The following TBC1D32 variants were observed in gnomAD, a reference collection of about 807,000 sequenced individuals.
TBC1D32 encodes the protein TBC1 domain family member 32.
TBC1D32 carries 151 observed loss-of-function variants against 170.3 expected under a neutral mutation model. The observed-to-expected ratio is 0.89, with a 90% CI of 0.78 to 1.01. The LOEUF (loss-of-function observed/expected upper bound fraction) is 1.01. TBC1D32 is among the 50% of genes least tolerant of loss of function. The pLI, the probability that TBC1D32 is intolerant of heterozygous loss-of-function variation, is 0.00. For synonymous variants in TBC1D32, 498 were observed against 488.0 expected (o/e 1.02, Z -0.27); for missense variants, 1,464 against 1,457.1 (o/e 1.00, Z -0.08).
At chr6:121,330,676 C>T (rs1176768744) in intron 1 of TBC1D32, among the ~76,000 whole-genome samples, 1 of 152,178 alleles carries the variant, frequency 6.6e-6, no homozygotes, top group African/African-American at 2.4e-5. Flanking sequence ...CAGGGCCCAG[C>T]CTCTACCACT....
At position 121,303,487 on chromosome 6, in the gene TBC1D32, T is replaced by C. The variant is rs553729775; in HGVS notation, c.1080+130A>G. Reference sequence around the variant, plus strand: ...ATACCACCAACCTCGTAAAGTTTTATAAGAAATAAATGAGCTAACACATGT... The same window carrying C: ...ATACCACCAACCTCGTAAAGTTTTACAAGAAATAAATGAGCTAACACATGT... On this transcript the variant is annotated intron_variant, in intron 9 of 31. Coordinates refer to ENST00000398212, the MANE Select transcript of TBC1D32 (RefSeq NM_152730.6). 25 of 768,368 alleles carry C rather than the reference T, an allele frequency of 3.3e-5. No homozygotes were observed. In the African/African-American group the frequency reaches 3.8e-4, roughly 12 times the overall value. The allele number at this position is 768,368 out of a possible 1,614,324, so 47.6% of individuals were successfully genotyped here.
intron 21 of TBC1D32, among the ~76,000 whole-genome samples, chr6:121,208,466 G>A (rs1332064877): frequency 1.3e-5 from 2 of 151,818 alleles, no homozygotes; most frequent in African/African-American, 4.8e-5. Flanking sequence ...CAGCATGGGG[G>A]AAATCACCCC....
At chr6:121,310,724 T>C (rs1749263736) in intron 4 of TBC1D32, 55 bp downstream of exon 4, 2 of 1,133,138 alleles carry the variant, frequency 1.8e-6, no homozygotes, top group African/African-American at 3.1e-5. Flanking sequence ...TGTAATCTCA[T>C]ATATTGTAAA....
At chr6:121,214,182 C>T (rs923632970) in intron 21 of TBC1D32, among the ~76,000 whole-genome samples, 47 of 152,064 alleles carry the variant, frequency 3.1e-4, no homozygotes, top group African/African-American at 1.1e-3. Context: ...CTATAAAAAC[C>T]CTGAAAGACA....
intron 18 of TBC1D32, among the ~76,000 whole-genome samples, 180 bp from the exon 19 acceptor site, chr6:121,241,732 T>C (rs1005645686): frequency 3.3e-5 from 5 of 152,160 alleles, no homozygotes; most frequent in Admixed American, 6.6e-5. Flanking sequence ...AAAAAGCTGA[T>C]TACAACTCAG....
chr6:121,238,233 C>T (rs1412004248), intron 20 of TBC1D32, among the ~76,000 whole-genome samples: 3 of 152,058 alleles, frequency 2.0e-5, no homozygotes, highest in African/African-American at 7.2e-5. Context: ...ATCAGTGGAG[C>T]ACAAATTTTC....
At chr6:121,302,388 A>G (rs887048977) in intron 9 of TBC1D32, among the ~76,000 whole-genome samples, 1 of 152,166 alleles carries the variant, frequency 6.6e-6, no homozygotes, top group African/African-American at 2.4e-5. Flanking sequence ...TTATAGGAGG[A>G]TGTAATGAAT....
At chr6:121,215,658 CA>C (rs35230917) in intron 21 of TBC1D32, among the ~76,000 whole-genome samples, 2 of 149,736 alleles carry the variant, frequency 1.3e-5, no homozygotes, top group African/African-American at 4.9e-5. Context: ...AAGAAATTTG[CA>C]AAAAAAAAAT....
intron 21 of TBC1D32, among the ~76,000 whole-genome samples, chr6:121,220,640 C>CTTTTTTTTT (rs923251281): frequency 7.1e-5 from 9 of 126,176 alleles, no homozygotes; most frequent in African/African-American, 2.4e-4. Flanking sequence ...TTTTCTTTTT[C>CTTTTTTTTT]TTTTTTTTTT....
At chr6:121,158,611 G>A (rs1330362524) in intron 24 of TBC1D32, among the ~76,000 whole-genome samples, 2 of 152,136 alleles carry the variant, frequency 1.3e-5, no homozygotes, top group African/African-American at 2.4e-5. Context: ...GAGTGCTGGT[G>A]TTCCTTTAAC....
chr6:121,257,197 C>T (rs6933095), intron 15 of TBC1D32, among the ~76,000 whole-genome samples: 146,569 of 152,222 alleles, frequency 0.96, 70,809 homozygotes, highest in East Asian at 1. Context: ...AAGTGATCAT[C>T]AGATCTAGAG....
chr6:121,242,060 A>G, intron 18 of TBC1D32, 141 bp downstream of exon 18: 1 of 818,532 alleles, frequency 1.2e-6, no homozygotes, highest in South Asian at 2.0e-5. Flanking sequence ...CTAAAAAAAA[A>G]TCAAGTTGAC....
chr6:121,291,828 T>C (rs1368683618), intron 12 of TBC1D32, among the ~76,000 whole-genome samples: 1 of 151,402 alleles, frequency 6.6e-6, no homozygotes, highest in African/African-American at 2.4e-5. Context: ...TCTGGATCCC[T>C]AAAGGCTGAA....
chr6:121,094,053 C>G (rs142552870), intron 30 of TBC1D32, among the ~76,000 whole-genome samples: 2 of 151,996 alleles, frequency 1.3e-5, no homozygotes, highest in African/African-American at 4.8e-5. Flanking sequence ...ATTATATTGG[C>G]TTTACTATAT....
At chr6:121,296,016 T>C (rs1054725137) in intron 10 of TBC1D32, among the ~76,000 whole-genome samples, 14 of 152,116 alleles carry the variant, frequency 9.2e-5, no homozygotes, top group African/African-American at 2.9e-4. Context: ...GACCCTGGTA[T>C]GTACCAGGCA....
At position 121,126,450 on chromosome 6, in the gene TBC1D32, A is replaced by G; in HGVS notation, c.2911T>C (p.Leu971=). 6.2e-7 allele frequency: 1 copy of G among 1,611,464 alleles called. No individual in the cohort carries two copies. The highest frequency in any genetic ancestry group is 1.1e-5 in the South Asian group (1 of 90,914). Residue 971 remains leucine, a synonymous_variant, in exon 26 of 32, where the codon TTA becomes CTA. Coordinates refer to ENST00000398212, the MANE Select transcript of TBC1D32 (RefSeq NM_152730.6). The part of the protein sequence containing the change: ...DIISGEALIE[L]LEKFVLHLTE... ...AGATGAAGCACAAATTTTTCAAGTA[A>G]TTCTATTAAGGCTGTAATAAACAAA...
chr6:121,082,942 T>C (rs1490012324), intron 31 of TBC1D32, among the ~76,000 whole-genome samples: 3 of 152,034 alleles, frequency 2.0e-5, no homozygotes, highest in African/African-American at 4.8e-5. Flanking sequence ...TAGTTCATTA[T>C]TGAAAATCTG....
chr6:121,190,037 A>T (rs1789735681), intron 22 of TBC1D32, among the ~76,000 whole-genome samples: 1 of 150,102 alleles, frequency 6.7e-6, no homozygotes, highest in Non-Finnish European at 1.5e-5. Context: ...AACACCACAC[A>T]CTATATAATT....
At chr6:121,321,913 C>T in intron 1 of TBC1D32, 119 bp from the exon 2 acceptor site, 1 of 950,214 alleles carries the variant, frequency 1.1e-6, no homozygotes, top group Non-Finnish European at 1.5e-6. Context: ...TTAAATTAGT[C>T]ATTCATCACA....
Sources: allele counts gnomAD v4.1 joint callset (sites outside exome capture counted in the v4.1 genomes callset), GRCh38; gene constraint gnomAD v4.1.1; transcripts MANE v1.5; gene names NCBI Gene and HGNC (gene_info 2026-07-23, HGNC 2026-07-21).